Variants in CCNJL observed in about 807,000 individuals in gnomAD.
CCNJL encodes the protein cyclin-J-like protein.
A neutral mutation model predicts 33.4 loss-of-function variants in CCNJL; 33 were observed. The ratio of observed to expected loss-of-function variants is 0.99; its 90% CI spans 0.75 to 1.32. The LOEUF (loss-of-function observed/expected upper bound fraction) is 1.32, where lower values mean the gene tolerates loss of function less well. CCNJL is among the 40% of genes most tolerant of loss of function. The probability of loss-of-function intolerance (pLI) is 0.00; values close to 1 mark genes in which losing one functional copy is unlikely to be tolerated. For missense variants in CCNJL, 512 were observed against 499.7 expected, an observed-to-expected ratio of 1.02 and a Z score of -0.23; for synonymous variants, 227 against 220.9, an observed-to-expected ratio of 1.03 and a Z score of -0.24.
intron 2 of CCNJL, among the ~76,000 whole-genome samples, chr5:160,295,204 T>C (rs1019781364): frequency 2.0e-5 from 3 of 152,194 alleles, no homozygotes; most frequent in African/African-American, 7.2e-5. Context: ...TATTTGAAAA[T>C]AGTCAGCCGG....
chr5:160,335,152 A>G (rs1763667359), intron 1 of CCNJL, among the ~76,000 whole-genome samples: 1 of 152,218 alleles, frequency 6.6e-6, no homozygotes, highest in Non-Finnish European at 1.5e-5. Context: ...AATCCCAGCT[A>G]CTGGGGAGGC....
chr5:160,253,366 T>G lies in CCNJL; in HGVS notation c.*12A>C. ...ACATCTCCAAGGCTTCCTCGTGAGG[T>G]CTGGAGGTGGCCTATCTGTCAAAGC... On this transcript the variant is annotated 3_prime_UTR_variant, in exon 6 of 6. Coordinates refer to ENST00000257536, the MANE Select transcript of CCNJL (RefSeq NM_001308173.3). 1 of 1,562,634 alleles carries G rather than the reference T, an allele frequency of 6.4e-7. No homozygotes were observed. Among genetic ancestry groups the G allele is most frequent in the Non-Finnish European group, 8.7e-7 (1 of 1,150,638 alleles).
At chr5:160,270,750 A>G (rs1761803834) in intron 3 of CCNJL, among the ~76,000 whole-genome samples, 1 of 152,170 alleles carries the variant, frequency 6.6e-6, no homozygotes, top group Non-Finnish European at 1.5e-5. Context: ...CTGGTTTTCT[A>G]CAGGAACAAA....
rs1283359647 is a variant in CCNJL, at chr5:160,254,664, C to T, written c.744-866G>A. 4.3e-5 allele frequency: 11 copies of T among 257,482 alleles called. No individual in the cohort carries two copies. The East Asian group carries it at 7.8e-4, about 18-fold the overall frequency. 15.9% of individuals were successfully genotyped at this position (257,482 alleles called of 1,614,324 possible). A position where few individuals can be genotyped will look rare whatever the true frequency, so the allele number is the denominator to read the frequency against. On this transcript the variant is annotated intron_variant, in intron 5 of 5. Transcript: ENST00000257536. ...CCTGGCAGGTGGAAGGGGAACTGGA[C>T]AGTGTGTGCCTACTGGGAATGGCTC...
chr5:160,320,789 CTTTCTTTCTTTCTT>C lies in CCNJL; in HGVS notation n.207-5298_207-5285del, dbSNP rs1480764685. Among the ~76,000 whole-genome samples, 268 of 35,960 alleles carry C rather than the reference CTTTCTTTCTTTCTT, an allele frequency of 7.5e-3. 7 individuals carry two copies. The highest frequency in any genetic ancestry group is 0.016 in the African/African-American group (257 of 15,956). 23.6% of individuals were successfully genotyped at this position (35,960 alleles called of 152,430 possible). A position where few individuals can be genotyped will look rare whatever the true frequency, so the allele number is the denominator to read the frequency against. ...TTTCTTTCTTTCTTTTCTTTCTTTCCTTTCTTTCTTTCTTTCTTTCTTTCTTTCTTTCTTTCTTT... is the reference window on the plus strand; with the variant it reads ...TTTCTTTCTTTCTTTTCTTTCTTTCCTCTTTCTTTCTTTCTTTCTTTCTTT... On this transcript the variant is annotated intron_variant and non_coding_transcript_variant, in intron 1 of 7. Coordinates refer to the CCNJL transcript ENST00000377503.
chr5:160,319,169 G>A (rs1401247907), intron 1 of CCNJL, among the ~76,000 whole-genome samples: 1 of 152,134 alleles, frequency 6.6e-6, no homozygotes, highest in African/African-American at 2.4e-5. Flanking sequence ...CTGGAGTGCA[G>A]TGGTATGATC....
At position 160,259,460 on chromosome 5, in the gene CCNJL, AGCTGTCACCTT is replaced by A. The variant is rs766321692; in HGVS notation, c.581_583+8del. 5.0e-6 allele frequency: 8 copies of A among 1,603,348 alleles called. No homozygotes were observed. Among genetic ancestry groups the A allele is most frequent in the Non-Finnish European group, 6.8e-6 (8 of 1,173,740 alleles). On this transcript the variant is annotated splice_donor_variant and splice_donor_5th_base_variant and coding_sequence_variant and intron_variant, in exon 4 of 6. Transcript: ENST00000257536. LOFTEE classifies it high-confidence loss of function. ...GTGGGAGGTCCTGCCATCGGGTCCC[AGCTGTCACCTT>A]GCAGGGTGACCTCTAGGAAGTAATG...
intron 3 of CCNJL, among the ~76,000 whole-genome samples, chr5:160,274,015 T>C (rs1761927223): frequency 6.6e-6 from 1 of 152,130 alleles, no homozygotes; most frequent in Non-Finnish European, 1.5e-5. Context: ...TCAACTGTGT[T>C]TGTATATCCA....
chr5:160,338,010 A>G (rs1763704075), intron 1 of CCNJL, among the ~76,000 whole-genome samples: 1 of 152,208 alleles, frequency 6.6e-6, no homozygotes, highest in Non-Finnish European at 1.5e-5. Context: ...AGCTGTATCA[A>G]TCAAGCAGAA....
At position 160,253,744 on chromosome 5, in the gene CCNJL, TG is replaced by T. The variant is rs1760921202; in HGVS notation, c.797del (p.Ala266GlufsTer157). On this transcript the variant is annotated frameshift_variant, in exon 6 of 6. Coordinates refer to ENST00000257536, the MANE Select transcript of CCNJL (RefSeq NM_001308173.3). LOFTEE classifies it high-confidence loss of function. ...GGGTGGGGGGTGTGCCGGGCACCATTGCCAAGGCCTGGCTCTTGACGGCTAC... is the reference window on the plus strand; with the variant it reads ...GGGTGGGGGGTGTGCCGGGCACCATTCCAAGGCCTGGCTCTTGACGGCTAC... ...DAVAVKSQAL[A>X]MVPGTPPTPT... 6.4e-7 allele frequency: 1 copy of T among 1,555,610 alleles called. No homozygotes were observed. The highest frequency in any genetic ancestry group is 1.8e-5 in the Admixed American group (1 of 54,508).
chr5:160,316,288 C>A (rs1206286751), upstream of CCNJL, among the ~76,000 whole-genome samples: 1 of 152,168 alleles, frequency 6.6e-6, no homozygotes, highest in Non-Finnish European at 1.5e-5. Context: ...CATTCAAAAA[C>A]TAAACTTTCA....
chr5:160,292,712 C>CTGTA (rs60748151), intron 2 of CCNJL, among the ~76,000 whole-genome samples: 32,512 of 151,336 alleles, frequency 0.21, 4,853 homozygotes, highest in African/African-American at 0.43. Flanking sequence ...ACTTGAAAGT[C>CTGTA]TGTATGTATA....
At chr5:160,281,693 C>T (rs980006660) in intron 2 of CCNJL, among the ~76,000 whole-genome samples, 1 of 152,152 alleles carries the variant, frequency 6.6e-6, no homozygotes, top group Admixed American at 6.6e-5. Context: ...CCCTCTTACC[C>T]AGGCTGGAGA....
At chr5:160,272,126 A>G (rs1407157610) in intron 3 of CCNJL, among the ~76,000 whole-genome samples, 1 of 152,212 alleles carries the variant, frequency 6.6e-6, no homozygotes, top group African/African-American at 2.4e-5. Flanking sequence ...CCAGGCTAGG[A>G]AGCAGCATAT....
At chr5:160,305,026 G>A (rs574764092) in intron 2 of CCNJL, among the ~76,000 whole-genome samples, 6 of 151,978 alleles carry the variant, frequency 3.9e-5, no homozygotes, top group African/African-American at 9.6e-5. Context: ...TTGTTGGCCA[G>A]GATGGTCTCG....
chr5:160,263,919 G>T (rs1761455592), intron 3 of CCNJL, among the ~76,000 whole-genome samples: 1 of 150,246 alleles, frequency 6.7e-6, no homozygotes, highest in Non-Finnish European at 1.5e-5. Context: ...TCCTAAATTG[G>T]AACAGCAGGA....
intron 1 of CCNJL, among the ~76,000 whole-genome samples, chr5:160,330,087 G>T (rs913591647): frequency 3.3e-5 from 5 of 152,072 alleles, no homozygotes; most frequent in Non-Finnish European, 7.4e-5. Flanking sequence ...TGCTCCTTCA[G>T]ATTTGAATCC....
Position 160,253,671 on chromosome 5 carries a change from G to C in CCNJL, c.871C>G (p.Pro291Ala), listed in dbSNP as rs1195690025. 8 of 1,608,788 alleles carry C rather than the reference G, an allele frequency of 5.0e-6. No homozygotes were observed. The Admixed American group carries it at 8.4e-5, about 17-fold the overall frequency. The change falls in exon 6 of 6, where the codon CCA becomes GCA. Residue 291 changes from proline (P) to alanine (A), a missense_variant. Physicochemically the swap from Pro to Ala is conservative, Grantham distance 27. Transcript: ENST00000257536. ...QPPAYPALGQ[P>A]ATTLAQFQTP... ...TGGAACTGTGCCAGGGTGGTCGCTG[G>C]CTGGCCGAGGGCCGGGTAGGCTGGT...
rs1180406159 is a variant in CCNJL, at chr5:160,253,813, C to T, written c.744-15G>A. On this transcript the variant is annotated splice_polypyrimidine_tract_variant and intron_variant, in intron 5 of 5. Transcript: ENST00000257536. ...TGTCATACACTCTGAAACGAGAAGA[C>T]CTGGGTGAGAACTGGAGGCCAAAAG... is the stretch of plus-strand genomic sequence containing the variant. 9.4e-6 allele frequency: 14 copies of T among 1,494,810 alleles called. No homozygotes were observed. Among genetic ancestry groups the T allele is most frequent in the Non-Finnish European group, 1.2e-5 (14 of 1,127,088 alleles). 92.6% of individuals were successfully genotyped at this position (1,494,810 alleles called of 1,614,324 possible). A position where few individuals can be genotyped will look rare whatever the true frequency, so the allele number is the denominator to read the frequency against.
Sources: allele counts gnomAD v4.1 joint callset (sites outside exome capture counted in the v4.1 genomes callset), GRCh38; gene constraint gnomAD v4.1.1; transcripts MANE v1.5; gene names NCBI Gene and HGNC (gene_info 2026-07-23, HGNC 2026-07-21).